The following STAG1 variants were observed in gnomAD, a reference collection of about 807,000 sequenced individuals.
The protein encoded by STAG1 is cohesin subunit SA-1.
Under a neutral mutation model 170.9 loss-of-function variants are expected in STAG1, and 26 were observed. The observed-to-expected ratio is 0.15, with a 90% CI of 0.11 to 0.21. STAG1 has a LOEUF of 0.21. STAG1 is among the 10% of genes least tolerant of loss of function. The pLI, the probability that STAG1 is intolerant of heterozygous loss-of-function variation, is 1.00. For missense variants in STAG1, 964 were observed against 1,509.5 expected (o/e 0.64, Z 5.99); for synonymous variants, 514 against 497.7 (o/e 1.03, Z -0.44).
chr3:136,710,875 G>C (rs975488054), intron 1 of STAG1, among the ~76,000 whole-genome samples: 2 of 151,734 alleles, frequency 1.3e-5, no homozygotes, highest in Admixed American at 6.6e-5. Flanking sequence ...AAACAAAAAG[G>C]AAAATGACAC....
intron 4 of STAG1, among the ~76,000 whole-genome samples, chr3:136,595,394 A>C (rs1938377146): frequency 6.6e-6 from 1 of 152,062 alleles, no homozygotes; most frequent in Non-Finnish European, 1.5e-5. Context: ...ATATTTGCAC[A>C]ATCTGTCACT....
At chr3:136,580,779 C>T (rs542757648) in intron 4 of STAG1, among the ~76,000 whole-genome samples, 13 of 150,658 alleles carry the variant, frequency 8.6e-5, no homozygotes, top group Middle Eastern at 3.4e-3. Context: ...ATGATCCACC[C>T]GCCTCGGCCT....
In STAG1 at chr3:136,514,828, C is replaced by T. The variant is rs150461191; in HGVS notation, c.676+6385G>A. 4.5e-3 allele frequency among the ~76,000 whole-genome samples: 691 copies of T among 152,106 alleles called. 4 individuals are homozygous for T. The highest frequency in any genetic ancestry group is 8.3e-3 in the Non-Finnish European group (566 of 67,988). ...ATCACAAGGACAGAAAACCAAACAC[C>T]GCATGTTCTCACTCATAGGTGGGAA... On this transcript the variant is annotated intron_variant, in intron 7 of 33. Transcript: ENST00000383202.
At chr3:136,457,498 T>C (rs867096284) in intron 13 of STAG1, among the ~76,000 whole-genome samples, 6 of 152,144 alleles carry the variant, frequency 3.9e-5, no homozygotes, top group Non-Finnish European at 7.4e-5. Context: ...CACCAATAAA[T>C]AGTGTGGGCT....
chr3:136,626,078 A>C (rs4678438), intron 2 of STAG1, among the ~76,000 whole-genome samples: 107,258 of 151,656 alleles, frequency 0.71, 38,003 homozygotes, highest in East Asian at 0.86. Context: ...AAAACAACAA[A>C]AATGAAACTA....
intron 1 of STAG1, among the ~76,000 whole-genome samples, chr3:136,682,442 AT>A (rs1287319888): frequency 6.3e-5 from 9 of 142,466 alleles, no homozygotes; most frequent in African/African-American, 2.2e-4. Flanking sequence ...TAAAAAAAAA[AT>A]AAAATATATA....
intron 1 of STAG1, among the ~76,000 whole-genome samples, chr3:136,724,126 G>A (rs1933511360): frequency 6.6e-6 from 1 of 151,634 alleles, no homozygotes; most frequent in East Asian, 1.9e-4. Flanking sequence ...TTGAGAACGG[G>A]CCATGATGAC....
intron 1 of STAG1, among the ~76,000 whole-genome samples, chr3:136,657,844 G>T (rs1941443464): frequency 6.6e-6 from 1 of 152,066 alleles, no homozygotes; most frequent in African/African-American, 2.4e-5. Flanking sequence ...AACAAAAAAG[G>T]CTGAAAAGGA....
chr3:136,431,818 T>G (rs867289223), intron 16 of STAG1, among the ~76,000 whole-genome samples: 4 of 147,820 alleles, frequency 2.7e-5, no homozygotes, highest in Non-Finnish European at 6.1e-5. Context: ...CATTAGTTGT[T>G]GATCTCTTGT....
chr3:136,568,318 C>A (rs142742866), intron 5 of STAG1, among the ~76,000 whole-genome samples: 1 of 152,100 alleles, frequency 6.6e-6, no homozygotes, highest in African/African-American at 2.4e-5. Context: ...AAACTTAAGA[C>A]ACCTGATTCT....
At chr3:136,436,313 A>G (rs2088461011) in intron 15 of STAG1, among the ~76,000 whole-genome samples, 1 of 147,634 alleles carries the variant, frequency 6.8e-6, no homozygotes, top group Non-Finnish European at 1.5e-5. Context: ...GTGGAGTCTC[A>G]CTCTGTCACC....
chr3:136,666,944 A>G (rs1941804702), intron 1 of STAG1, among the ~76,000 whole-genome samples: 2 of 152,156 alleles, frequency 1.3e-5, no homozygotes, highest in African/African-American at 4.8e-5. Context: ...CTAGAAAGAA[A>G]ACTGAACCTG....
intron 4 of STAG1, among the ~76,000 whole-genome samples, chr3:136,570,405 T>C (rs1049747910): frequency 2.6e-5 from 4 of 152,236 alleles, no homozygotes; most frequent in Admixed American, 6.5e-5. Context: ...TATTATTTCA[T>C]TGTATGAATA....
chr3:136,638,969 G>A (rs1217696997), intron 1 of STAG1, among the ~76,000 whole-genome samples: 1 of 152,002 alleles, frequency 6.6e-6, no homozygotes, highest in African/African-American at 2.4e-5. Context: ...CATTAAAAAT[G>A]TCACAGTCTT....
At chr3:136,417,044 A>C (rs2087795974) in intron 21 of STAG1, among the ~76,000 whole-genome samples, 1 of 151,880 alleles carries the variant, frequency 6.6e-6, no homozygotes, top group Non-Finnish European at 1.5e-5. Context: ...ATGGGGTTTC[A>C]CCATGTTGGC....
intron 21 of STAG1, among the ~76,000 whole-genome samples, chr3:136,407,227 T>C (rs1335173889): frequency 6.6e-6 from 1 of 152,120 alleles, no homozygotes; most frequent in Non-Finnish European, 1.5e-5. Context: ...CATTTTGCCA[T>C]ACTGGCCAGG....
intron 11 of STAG1, 126 bp downstream of exon 11, chr3:136,473,413 G>T: frequency 3.0e-6 from 2 of 668,572 alleles, no homozygotes; most frequent in Non-Finnish European, 4.8e-6. Context: ...GTGCCAAAAA[G>T]GTTGGGGACT....
intron 9 of STAG1, among the ~76,000 whole-genome samples, chr3:136,492,430 AG>A (rs1258732093): frequency 6.6e-6 from 1 of 152,260 alleles, no homozygotes; most frequent in African/African-American, 2.4e-5. Context: ...CTGGTGTTAC[AG>A]ACTGACAGAA....
At chr3:136,594,303 C>A (rs924194934) in intron 4 of STAG1, among the ~76,000 whole-genome samples, 1 of 152,090 alleles carries the variant, frequency 6.6e-6, no homozygotes, top group Non-Finnish European at 1.5e-5. Context: ...ATCTATAATT[C>A]GGAGGCTAGA....
Sources: gnomAD v4.1 joint callset for allele counts (sites outside exome capture counted in the v4.1 genomes callset) on GRCh38, gnomAD v4.1.1 for gene constraint, MANE v1.5 for transcripts, NCBI Gene and HGNC (gene_info 2026-07-23, HGNC 2026-07-21) for gene names.